TINAG: variants seen among roughly 807,000 people sequenced by gnomAD.
TINAG encodes the protein tubulointerstitial nephritis antigen.
TINAG carries 83 observed loss-of-function variants against 72.7 expected under a neutral mutation model. The ratio of observed to expected loss-of-function variants is 1.14; its 90% CI spans 0.96 to 1.37. The LOEUF is 1.37. Ranked by LOEUF, TINAG falls within the 40% of genes most tolerant of loss-of-function variation. TINAG has a pLI of 0.00. For synonymous variants in TINAG, 234 were observed against 189.9 expected, an observed-to-expected ratio of 1.23 and a Z score of -1.91; for missense variants, 685 against 576.6, an observed-to-expected ratio of 1.19 and a Z score of -1.93.
At chr6:54,352,170 G>A (rs892586104) in intron 8 of TINAG, among the ~76,000 whole-genome samples, 2 of 151,586 alleles carry the variant, frequency 1.3e-5, no homozygotes, top group Non-Finnish European at 3.0e-5. Context: ...TGAAGGGCCC[G>A]GAATATATTA....
intron 4 of TINAG, among the ~76,000 whole-genome samples, chr6:54,332,204 CTG>C (rs2150946016): frequency 6.6e-6 from 1 of 152,258 alleles, no homozygotes; most frequent in Non-Finnish European, 1.5e-5. Flanking sequence ...ATCATGCTAC[CTG>C]ACTTCAAACT....
intron 4 of TINAG, among the ~76,000 whole-genome samples, chr6:54,339,804 A>G (rs1004526051): frequency 3.9e-5 from 6 of 152,154 alleles, no homozygotes; most frequent in African/African-American, 1.4e-4. Context: ...CTGACCTTAG[A>G]TTGTAAAGGT....
chr6:54,374,814 A>G (rs1562182635), intron 9 of TINAG, among the ~76,000 whole-genome samples: 2 of 151,992 alleles, frequency 1.3e-5, no homozygotes, highest in African/African-American at 4.8e-5. Context: ...AGGTTATATG[A>G]TATATTTGCT....
At position 54,349,852 on chromosome 6, in the gene TINAG, A is replaced by G; in HGVS notation, c.1036A>G (p.Asn346Asp). Residue 346 changes from asparagine to aspartate, a missense_variant, in exon 7 of 11, where the codon AAC becomes GAC. Physicochemically the swap from Asn to Asp is conservative, Grantham distance 23. Transcript: ENST00000259782. ...KPCPNNVEKS[N>D]RIYQCSPPYR... ...ATGTCCCAACAACGTAGAAAAATCTAACAGGATCTATCAATGTTCTCCTCC... is the reference window on the plus strand; with the variant it reads ...ATGTCCCAACAACGTAGAAAAATCTGACAGGATCTATCAATGTTCTCCTCC... The G allele has an allele frequency of 6.2e-7, 1 of 1,609,592 alleles. No individual in the cohort carries two copies. Among genetic ancestry groups the G allele is most frequent in the Non-Finnish European group, 8.5e-7 (1 of 1,177,174 alleles).
At chr6:54,365,870 T>C (rs1763394844) in intron 9 of TINAG, among the ~76,000 whole-genome samples, 1 of 151,532 alleles carries the variant, frequency 6.6e-6, no homozygotes, top group African/African-American at 2.4e-5. Flanking sequence ...ATCCCTGCTT[T>C]ATAAGCTTGA....
In TINAG at chr6:54,372,739, T is replaced by TAC. The variant is rs1409964703; in HGVS notation, c.1251-7786_1251-7785insCA. ...ATATAAATACATACATATATATATA[T>TAC]ATATATATATATATATATATATATA... On this transcript the variant is annotated intron_variant, in intron 9 of 10. Coordinates refer to ENST00000259782, the MANE Select transcript of TINAG (RefSeq NM_014464.4). 7.1e-4 allele frequency among the ~76,000 whole-genome samples: 4 copies of TAC among 5,664 alleles called. No homozygotes were observed. In the East Asian group the frequency reaches 7.7e-3, roughly 11 times the overall value. The allele number at this position is 5,664 out of a possible 152,430, so 3.7% of individuals were successfully genotyped here.
intron 9 of TINAG, among the ~76,000 whole-genome samples, chr6:54,375,884 A>G (rs1316638000): frequency 1.3e-5 from 2 of 152,288 alleles, no homozygotes; most frequent in African/African-American, 2.4e-5. Context: ...AATCCGGATC[A>G]TGTCACATTC....
upstream of TINAG, chr6:54,308,378 A>G: frequency 3.1e-6 from 2 of 652,722 alleles, no homozygotes; most frequent in Non-Finnish European, 5.2e-6. Flanking sequence ...TCAAACATTG[A>G]AATTCTTGAT....
At chr6:54,376,293 C>T (rs1375772490) in intron 9 of TINAG, among the ~76,000 whole-genome samples, 1 of 151,958 alleles carries the variant, frequency 6.6e-6, no homozygotes, top group Non-Finnish European at 1.5e-5. Flanking sequence ...TCCCATTAGA[C>T]TGACAGTTTT....
At position 54,320,662 on chromosome 6, in the gene TINAG, C is replaced by CA; in HGVS notation, c.419+21dup. 1 of 1,589,314 alleles carries CA rather than the reference C, an allele frequency of 6.3e-7. No individual in the cohort carries two copies. ...CTCCTGGTAATAAATTTAAGTGGCA[C>CA]AGAACTGAGTTCTACTGTGTGTGTA... is the stretch of plus-strand genomic sequence containing the variant. On this transcript the variant is annotated intron_variant, in intron 2 of 10. Coordinates refer to ENST00000259782, the MANE Select transcript of TINAG (RefSeq NM_014464.4).
At chr6:54,357,833 G>T (rs758554967) in intron 9 of TINAG, among the ~76,000 whole-genome samples, 1 of 151,744 alleles carries the variant, frequency 6.6e-6, no homozygotes, top group Non-Finnish European at 1.5e-5. Flanking sequence ...TAGAAAACAG[G>T]GTTTTCCTTT....
intron 9 of TINAG, among the ~76,000 whole-genome samples, chr6:54,368,891 A>G (rs1273459062): frequency 2.0e-5 from 3 of 151,716 alleles, no homozygotes; most frequent in Non-Finnish European, 4.4e-5. Flanking sequence ...AGATTCTTAC[A>G]TTGAAATTTT....
chr6:54,308,354 A>C (rs534798268), upstream of TINAG: 1 of 635,008 alleles, frequency 1.6e-6, no homozygotes, highest in Admixed American at 3.0e-5. Context: ...TATTTCTAAC[A>C]TACATTATCT....
At chr6:54,344,574 C>A (rs963887695) in intron 5 of TINAG, among the ~76,000 whole-genome samples, 1 of 152,126 alleles carries the variant, frequency 6.6e-6, no homozygotes, top group Non-Finnish European at 1.5e-5. Context: ...GGTGTTACAC[C>A]TAGATCTATA....
chr6:54,316,914 C>G (rs1784385390), intron 1 of TINAG, among the ~76,000 whole-genome samples: 1 of 152,006 alleles, frequency 6.6e-6, no homozygotes, highest in Non-Finnish European at 1.5e-5. Flanking sequence ...ATATTATTTG[C>G]CTAATATTGC....
intron 10 of TINAG, among the ~76,000 whole-genome samples, chr6:54,385,075 T>A (rs1156649257): frequency 6.6e-6 from 1 of 152,090 alleles, no homozygotes; most frequent in Admixed American, 6.6e-5. Flanking sequence ...TAAAATTGAT[T>A]CATGTATTTT....
chr6:54,320,514 T>C lies in TINAG; in HGVS notation c.356-65T>C, dbSNP rs1284860340. The stretch of plus-strand genomic sequence containing the variant: ...AAGCTAACTATGATTTTTGATTACA[T>C]TTTATGTTAATGCACTTTATTACTT... On this transcript the variant is annotated intron_variant, in intron 1 of 10. Coordinates refer to ENST00000259782, the MANE Select transcript of TINAG (RefSeq NM_014464.4). The C allele has an allele frequency of 1.5e-5, 19 of 1,306,490 alleles. No homozygotes were observed. In the East Asian group the frequency reaches 4.5e-4, roughly 31 times the overall value. The allele number at this position is 1,306,490 out of a possible 1,614,324, so 80.9% of individuals were successfully genotyped here. A position where few individuals can be genotyped will look rare whatever the true frequency, so the allele number is the denominator to read the frequency against.
At chr6:54,340,888 G>A (rs1198900021) in intron 4 of TINAG, among the ~76,000 whole-genome samples, 3 of 152,076 alleles carry the variant, frequency 2.0e-5, no homozygotes, top group Non-Finnish European at 2.9e-5. Flanking sequence ...AACTTAAAGT[G>A]CCTATGGAGG....
chr6:54,363,319 C>T (rs1763297087), intron 9 of TINAG, among the ~76,000 whole-genome samples: 1 of 151,432 alleles, frequency 6.6e-6, no homozygotes, highest in East Asian at 1.9e-4. Context: ...AAAGATTGCT[C>T]TGAGTATAAA....
Sources: gnomAD v4.1 joint callset for allele counts (sites outside exome capture counted in the v4.1 genomes callset) on GRCh38, gnomAD v4.1.1 for gene constraint, MANE v1.5 for transcripts, NCBI Gene and HGNC (gene_info 2026-07-23, HGNC 2026-07-21) for gene names.